LIN7A: variants seen among roughly 807,000 people sequenced by gnomAD.
LIN7A encodes lin-7 cell polarity scaffold A.
A neutral mutation model predicts 29.8 loss-of-function variants in LIN7A; 25 were observed. That is an observed-to-expected ratio of 0.84 (90% CI 0.61 to 1.17). The LOEUF is 1.17. LIN7A is among the 50% of genes most tolerant of loss of function. LIN7A has a pLI of 0.00. For synonymous variants in LIN7A, 118 were observed against 107.5 expected (o/e 1.10, Z -0.60); for missense variants, 239 against 287.0 (o/e 0.83, Z 1.21).
At chr12:80,835,789 C>G (rs1014173869) in intron 4 of LIN7A, among the ~76,000 whole-genome samples, 8 of 151,960 alleles carry the variant, frequency 5.3e-5, no homozygotes, top group African/African-American at 1.9e-4. Flanking sequence ...AACCTTAACT[C>G]CTGAGAAACC....
intron 5 of LIN7A, among the ~76,000 whole-genome samples, chr12:80,802,039 G>A (rs1238103013): frequency 6.6e-6 from 1 of 151,852 alleles, no homozygotes; most frequent in Non-Finnish European, 1.5e-5. Flanking sequence ...TGGGATTAGA[G>A]GTGCACCACC....
intron 2 of LIN7A, among the ~76,000 whole-genome samples, chr12:80,880,981 AT>A (rs1875000872): frequency 1.3e-5 from 2 of 152,100 alleles, no homozygotes; most frequent in South Asian, 2.1e-4. Context: ...GGTGCTATTA[AT>A]TTTTTTTATT....
chr12:80,901,634 G>T (rs1876219095), intron 1 of LIN7A, among the ~76,000 whole-genome samples: 1 of 152,100 alleles, frequency 6.6e-6, no homozygotes, highest in South Asian at 2.1e-4. Context: ...TTGCTGAAGA[G>T]ACACCCCATC....
chr12:80,854,146 T>C (rs1873473649), intron 2 of LIN7A, among the ~76,000 whole-genome samples: 1 of 152,124 alleles, frequency 6.6e-6, no homozygotes, highest in African/African-American at 2.4e-5. Context: ...GTTATATTCA[T>C]ACAAAAACAA....
chr12:80,892,158 T>C lies in LIN7A; in HGVS notation c.83-2789A>G, dbSNP rs1875657516. On this transcript the variant is annotated intron_variant, in intron 1 of 5. Transcript: ENST00000552864. Reference sequence around the variant, plus strand: ...TCTCCCTCCTTTATCTCTGTGAATGTATACAATTCTTCAGATGTCAGAAAC... The same window carrying C: ...TCTCCCTCCTTTATCTCTGTGAATGCATACAATTCTTCAGATGTCAGAAAC... Among the ~76,000 whole-genome samples the C allele has an allele frequency of 2.6e-5, 4 of 152,364 alleles. No homozygotes were observed. The South Asian group carries it at 6.2e-4, about 24-fold the overall frequency.
intron 2 of LIN7A, among the ~76,000 whole-genome samples, chr12:80,856,805 G>C (rs1465319287): frequency 6.6e-6 from 1 of 152,098 alleles, no homozygotes; most frequent in Non-Finnish European, 1.5e-5. Context: ...TGACAACCAA[G>C]TTATTAATAG....
At position 80,803,985 on chromosome 12, in the gene LIN7A, G is replaced by A. The variant is rs78414992; in HGVS notation, c.*1-6259C>T. ...AAGCCCATGTTCCTGTGTTTGAATC[G>A]TGGCCCTATTACTTGTTATAATAGC... On this transcript the variant is annotated intron_variant, in intron 5 of 5. Coordinates refer to ENST00000552864, the MANE Select transcript of LIN7A (RefSeq NM_004664.4). 6.8e-3 allele frequency among the ~76,000 whole-genome samples: 1,041 copies of A among 152,242 alleles called. 10 individuals carry two copies. The highest frequency in any genetic ancestry group is 0.024 in the African/African-American group (981 of 41,542).
intron 1 of LIN7A, among the ~76,000 whole-genome samples, chr12:80,927,571 A>T (rs560009751): frequency 2.6e-5 from 4 of 152,202 alleles, no homozygotes; most frequent in Non-Finnish European, 5.9e-5. Flanking sequence ...TTTTCAGTTA[A>T]CACAGTGTGA....
At chr12:80,896,726 A>T (rs530387447) in intron 1 of LIN7A, among the ~76,000 whole-genome samples, 1 of 152,360 alleles carries the variant, frequency 6.6e-6, no homozygotes, top group South Asian at 2.1e-4. Context: ...AAACTAAATG[A>T]TCATGGGATT....
chr12:80,816,556 A>G (rs1871548101), intron 4 of LIN7A, among the ~76,000 whole-genome samples: 2 of 152,210 alleles, frequency 1.3e-5, no homozygotes, highest in Non-Finnish European at 2.9e-5. Flanking sequence ...AAACTGATAT[A>G]AAAACCATAC....
chr12:80,932,789 C>A (rs1328216160), intron 1 of LIN7A, among the ~76,000 whole-genome samples: 2 of 152,174 alleles, frequency 1.3e-5, no homozygotes, highest in Admixed American at 6.5e-5. Flanking sequence ...TAAATCCATG[C>A]GGTCTTTAAT....
intron 5 of LIN7A, among the ~76,000 whole-genome samples, chr12:80,805,993 G>GAGACCAGC (rs1284647101): frequency 1.4e-3 from 152 of 107,780 alleles, no homozygotes; most frequent in Non-Finnish European, 2.1e-3. Flanking sequence ...TAGGAGAATC[G>GAGACCAGC]CTTGAACCCA....
At position 80,795,950 on chromosome 12, in the gene LIN7A, A is replaced by C. The variant is rs1445522108; in HGVS notation, c.*1777T>G. On this transcript the variant is annotated 3_prime_UTR_variant, in exon 6 of 6. Transcript: ENST00000552864. ...AAATGATATGTATTCAAGGATGGGA[A>C]TCTGTTATCACAGGGGTGTATTGTT... 1 of 152,234 alleles carries C rather than the reference A, an allele frequency of 6.6e-6. No homozygotes were observed. The allele number at this position is 152,234 out of a possible 1,614,324, so 9.4% of individuals were successfully genotyped here. A position where few individuals can be genotyped will look rare whatever the true frequency, so the allele number is the denominator to read the frequency against.
chr12:80,795,574 C>T lies in LIN7A; in HGVS notation c.*2153G>A, dbSNP rs1403034236. On this transcript the variant is annotated 3_prime_UTR_variant, in exon 6 of 6. Transcript: ENST00000552864. ...TATGATAACTTTAATTTTGACCAAA[C>T]ATTTATGACTAAGTGAAAACATACT... 1.3e-5 allele frequency: 2 copies of T among 152,068 alleles called. No homozygotes were observed. The highest frequency in any genetic ancestry group is 2.9e-5 in the Non-Finnish European group (2 of 67,994). The allele number at this position is 152,068 out of a possible 1,614,324, so 9.4% of individuals were successfully genotyped here.
At chr12:80,906,292 C>T (rs1876471563) in intron 1 of LIN7A, among the ~76,000 whole-genome samples, 1 of 152,176 alleles carries the variant, frequency 6.6e-6, no homozygotes, top group Non-Finnish European at 1.5e-5. Context: ...CCTATCTCAG[C>T]TCTCACTCTA....
At chr12:80,873,994 T>C (rs912218261) in intron 2 of LIN7A, among the ~76,000 whole-genome samples, 5 of 152,214 alleles carry the variant, frequency 3.3e-5, no homozygotes, top group African/African-American at 1.2e-4. Context: ...GGCAGCAAAG[T>C]ACTCTTGGGC....
intron 3 of LIN7A, among the ~76,000 whole-genome samples, chr12:80,846,834 C>T (rs1471447715): frequency 2.6e-5 from 4 of 152,082 alleles, no homozygotes. Context: ...AATAACAGCA[C>T]TTAGGTAGTT....
chr12:80,843,701 C>G (rs1019621935), intron 4 of LIN7A, among the ~76,000 whole-genome samples: 1 of 152,002 alleles, frequency 6.6e-6, no homozygotes, highest in African/African-American at 2.4e-5. Context: ...TCATCAGAGC[C>G]CTTCAAATTA....
intron 1 of LIN7A, among the ~76,000 whole-genome samples, chr12:80,923,701 T>A (rs1360233162): frequency 6.6e-6 from 1 of 152,180 alleles, no homozygotes; most frequent in Admixed American, 6.5e-5. Flanking sequence ...TGTGCCTCAA[T>A]TGTTCCTTGC....
Sources: gnomAD v4.1 joint callset for allele counts (sites outside exome capture counted in the v4.1 genomes callset) on GRCh38, gnomAD v4.1.1 for gene constraint, MANE v1.5 for transcripts, NCBI Gene and HGNC (gene_info 2026-07-23, HGNC 2026-07-21) for gene names.